The following ZCCHC7 variants were observed in gnomAD, a reference collection of about 807,000 sequenced individuals.
ZCCHC7 encodes zinc finger CCHC domain-containing protein 7.
ZCCHC7 carries 35 observed loss-of-function variants against 52.0 expected under a neutral mutation model. The observed-to-expected ratio is 0.67, with a 90% CI of 0.51 to 0.89. The LOEUF (loss-of-function observed/expected upper bound fraction) is 0.89. Among genes scored for constraint, ZCCHC7 ranks in the 40% least tolerant of loss-of-function variants. The pLI is 0.00. For missense variants in ZCCHC7, 574 were observed against 649.1 expected (o/e 0.88, Z 1.26); for synonymous variants, 217 against 221.5 (o/e 0.98, Z 0.18).
At chr9:37,271,132 T>C (rs2133503635) in intron 2 of ZCCHC7, among the ~76,000 whole-genome samples, 1 of 152,318 alleles carries the variant, frequency 6.6e-6, no homozygotes, top group African/African-American at 2.4e-5. Flanking sequence ...AAGAGACACC[T>C]GACATTGTGC....
intron 4 of ZCCHC7, among the ~76,000 whole-genome samples, chr9:37,304,893 A>T (rs572295427): frequency 1.3e-5 from 2 of 152,330 alleles, no homozygotes; most frequent in South Asian, 2.1e-4. Context: ...ATTGAATCAG[A>T]TGATTCCTGA....
At chr9:37,317,886 A>G (rs1829891736) in intron 5 of ZCCHC7, among the ~76,000 whole-genome samples, 1 of 151,384 alleles carries the variant, frequency 6.6e-6, no homozygotes, top group Non-Finnish European at 1.5e-5. Flanking sequence ...ACCTTTAACA[A>G]AAGTAATTGG....
At chr9:37,192,159 G>A (rs10973245) in intron 2 of ZCCHC7, among the ~76,000 whole-genome samples, 20,656 of 152,036 alleles carry the variant, frequency 0.14, 1,708 homozygotes, top group Non-Finnish European at 0.17. Context: ...AAGTCTATAG[G>A]GTTATGTAGT....
chr9:37,168,853 G>A (rs1821572616), intron 2 of ZCCHC7, among the ~76,000 whole-genome samples: 1 of 152,150 alleles, frequency 6.6e-6, no homozygotes, highest in Admixed American at 6.5e-5. Flanking sequence ...ACAGGGACCC[G>A]CCCTCAGGAG....
intron 2 of ZCCHC7, among the ~76,000 whole-genome samples, chr9:37,212,052 A>G (rs962727579): frequency 1.0e-3 from 129 of 127,520 alleles, no homozygotes; most frequent in African/African-American, 3.5e-3. Context: ...AAAAAAAAAA[A>G]AAAAAAAAAA....
chr9:37,221,287 G>A (rs996959732), intron 2 of ZCCHC7, among the ~76,000 whole-genome samples: 4 of 152,168 alleles, frequency 2.6e-5, no homozygotes, highest in African/African-American at 4.8e-5. Flanking sequence ...TAGTATTAGA[G>A]ATTTAAGGAC....
intron 2 of ZCCHC7, among the ~76,000 whole-genome samples, chr9:37,162,251 A>G (rs937666572): frequency 1.3e-5 from 2 of 152,114 alleles, no homozygotes; most frequent in Admixed American, 6.5e-5. Context: ...ATAGTATAGT[A>G]TATTTGACAC....
At chr9:37,274,429 T>C (rs922167626) in intron 2 of ZCCHC7, among the ~76,000 whole-genome samples, 1 of 128,768 alleles carries the variant, frequency 7.8e-6, no homozygotes, top group Admixed American at 9.6e-5. Flanking sequence ...AGCCTCCACC[T>C]CCCAGGTTTA....
At chr9:37,312,670 C>A (rs1219745654) in intron 5 of ZCCHC7, among the ~76,000 whole-genome samples, 1 of 152,210 alleles carries the variant, frequency 6.6e-6, no homozygotes, top group African/African-American at 2.4e-5. Context: ...GTAACCACAA[C>A]CCAGCCCTTT....
chr9:37,289,295 G>A (rs767107939), intron 2 of ZCCHC7, among the ~76,000 whole-genome samples: 6 of 151,690 alleles, frequency 4.0e-5, no homozygotes, highest in Non-Finnish European at 8.8e-5. Context: ...GATTACAGGC[G>A]CCTGCCACCA....
At chr9:37,269,567 CA>C (rs1227500141) in intron 2 of ZCCHC7, among the ~76,000 whole-genome samples, 1 of 124,070 alleles carries the variant, frequency 8.1e-6, no homozygotes, top group Non-Finnish European at 1.6e-5. Flanking sequence ...TGCAGTAAGC[CA>C]TGATTGTACC....
chr9:37,193,868 C>T (rs1409804422), intron 2 of ZCCHC7, among the ~76,000 whole-genome samples: 1 of 152,168 alleles, frequency 6.6e-6, no homozygotes, highest in East Asian at 1.9e-4. Context: ...CCATCAGTCA[C>T]CTGAAGTCTC....
intron 2 of ZCCHC7, among the ~76,000 whole-genome samples, chr9:37,258,700 C>T (rs1365062435): frequency 7.5e-6 from 1 of 133,838 alleles, no homozygotes; most frequent in African/African-American, 2.9e-5. Context: ...TGCAGTGAGC[C>T]GTGATTGTTC....
At chr9:37,315,227 G>A (rs1050277484) in intron 5 of ZCCHC7, among the ~76,000 whole-genome samples, 28 of 151,962 alleles carry the variant, frequency 1.8e-4, no homozygotes. Flanking sequence ...TACATACCAG[G>A]CTCTTAACAT....
At chr9:37,336,256 G>A (rs753349833) in intron 6 of ZCCHC7, among the ~76,000 whole-genome samples, 2 of 152,110 alleles carry the variant, frequency 1.3e-5, no homozygotes, top group Non-Finnish European at 2.9e-5. Flanking sequence ...TACGTCCAGC[G>A]AAAAAGGCAA....
rs1395101484 is a variant in ZCCHC7, at chr9:37,302,293, G to T, written c.654+62G>T. 3.7e-5 allele frequency: 50 copies of T among 1,367,616 alleles called. 1 individual carries two copies. In the South Asian group the frequency reaches 5.1e-4, roughly 14 times the overall value. The allele number at this position is 1,367,616 out of a possible 1,614,324, so 84.7% of individuals were successfully genotyped here. On this transcript the variant is annotated intron_variant, in intron 3 of 8. Transcript: ENST00000336755. ...TTTCCTTTGCTTCATAGTTTATTATGATAACTTTTGGAACATTAATAAGTT... is the reference window on the plus strand; with the variant it reads ...TTTCCTTTGCTTCATAGTTTATTATTATAACTTTTGGAACATTAATAAGTT...
At chr9:37,275,566 A>G (rs1464420408) in intron 2 of ZCCHC7, among the ~76,000 whole-genome samples, 7 of 152,142 alleles carry the variant, frequency 4.6e-5, no homozygotes, top group African/African-American at 1.7e-4. Flanking sequence ...CAGGTAATAC[A>G]TGTAGGAGTA....
At chr9:37,254,528 G>A (rs1826479282) in intron 2 of ZCCHC7, among the ~76,000 whole-genome samples, 1 of 151,732 alleles carries the variant, frequency 6.6e-6, no homozygotes, top group African/African-American at 2.4e-5. Flanking sequence ...ATAAAATCTA[G>A]GAAAGAACAC....
intron 2 of ZCCHC7, among the ~76,000 whole-genome samples, chr9:37,276,034 G>A (rs989827720): frequency 1.3e-5 from 2 of 152,162 alleles, no homozygotes; most frequent in African/African-American, 4.8e-5. Flanking sequence ...GCATCCTTGC[G>A]AACACATGAT....
Sources: gnomAD v4.1 joint callset for allele counts (sites outside exome capture counted in the v4.1 genomes callset) on GRCh38, gnomAD v4.1.1 for gene constraint, MANE v1.5 for transcripts, NCBI Gene and HGNC (gene_info 2026-07-23, HGNC 2026-07-21) for gene names.